The following PTPRG variants were observed in gnomAD, a reference collection of about 807,000 sequenced individuals.
PTPRG encodes the protein receptor-type tyrosine-protein phosphatase gamma.
In PTPRG, 102 loss-of-function variants were observed where a neutral mutation model predicts 165.3. That is an observed-to-expected ratio of 0.62 (90% CI 0.53 to 0.73). The LOEUF (loss-of-function observed/expected upper bound fraction) is 0.73, where lower values mean the gene tolerates loss of function less well. Among genes scored for constraint, PTPRG ranks in the 30% least tolerant of loss-of-function variants. The probability of loss-of-function intolerance (pLI) is 0.00; values close to 1 mark genes in which losing one functional copy is unlikely to be tolerated. For missense variants in PTPRG, 1,866 were observed against 1,861.4 expected (o/e 1.00, Z -0.05); for synonymous variants, 675 against 669.5 (o/e 1.01, Z -0.13).
intron 2 of PTPRG, among the ~76,000 whole-genome samples, chr3:61,913,901 G>C (rs1575779003): frequency 1.3e-5 from 2 of 152,218 alleles, no homozygotes; most frequent in Admixed American, 1.3e-4. Flanking sequence ...CTAAAGCTGT[G>C]TAAACTGAGA....
intron 2 of PTPRG, among the ~76,000 whole-genome samples, chr3:61,931,329 GTTAC>G (rs2039356194): frequency 6.6e-6 from 1 of 152,188 alleles, no homozygotes; most frequent in Non-Finnish European, 1.5e-5. Flanking sequence ...CTAACTCCAA[GTTAC>G]TTTGCTGCCG....
chr3:61,668,819 G>A (rs1194208777), intron 1 of PTPRG, among the ~76,000 whole-genome samples: 1 of 152,226 alleles, frequency 6.6e-6, no homozygotes, highest in Non-Finnish European at 1.5e-5. Flanking sequence ...TGGGCTGAAA[G>A]TATGTTACAC....
intron 7 of PTPRG, among the ~76,000 whole-genome samples, chr3:62,157,459 C>T (rs1704580548): frequency 6.6e-6 from 1 of 152,204 alleles, no homozygotes; most frequent in East Asian, 1.9e-4. Flanking sequence ...CTCATGAAAT[C>T]TGAGTATTGT....
At chr3:61,720,121 AT>A (rs796288666) in intron 1 of PTPRG, among the ~76,000 whole-genome samples, 275 of 144,150 alleles carry the variant, frequency 1.9e-3, no homozygotes, top group Middle Eastern at 0.015. Flanking sequence ...TGACAAGGGA[AT>A]TTTTTTTTTT....
chr3:61,947,399 T>C (rs144208916), intron 2 of PTPRG, among the ~76,000 whole-genome samples: 338 of 152,348 alleles, frequency 2.2e-3, no homozygotes, highest in African/African-American at 7.8e-3. Context: ...GCAGCAATGG[T>C]TCTGACCGGT....
At chr3:61,731,494 A>G (rs1042426799) in intron 1 of PTPRG, among the ~76,000 whole-genome samples, 8 of 151,572 alleles carry the variant, frequency 5.3e-5, no homozygotes, top group Admixed American at 2.0e-4. Context: ...GACTACAGGC[A>G]CGCACCACCA....
intron 1 of PTPRG, among the ~76,000 whole-genome samples, chr3:61,614,782 A>G (rs1559525071): frequency 1.3e-5 from 2 of 152,190 alleles, no homozygotes; most frequent in Non-Finnish European, 2.9e-5. Flanking sequence ...TATAGAAGGA[A>G]TTTTAGACCA....
chr3:61,999,481 A>C (rs2107714424), intron 3 of PTPRG, among the ~76,000 whole-genome samples: 1 of 152,262 alleles, frequency 6.6e-6, no homozygotes, highest in East Asian at 1.9e-4. Context: ...GTTTCCAGGG[A>C]CAAAAACATT....
intron 2 of PTPRG, among the ~76,000 whole-genome samples, chr3:61,783,795 A>G (rs984284779): frequency 6.6e-6 from 1 of 152,200 alleles, no homozygotes; most frequent in East Asian, 1.9e-4. Flanking sequence ...CACTGGAGAC[A>G]GATGAACTTG....
At chr3:62,216,078 C>T (rs1420885072) in intron 12 of PTPRG, among the ~76,000 whole-genome samples, 8 of 151,988 alleles carry the variant, frequency 5.3e-5, no homozygotes, top group Admixed American at 3.3e-4. Flanking sequence ...ATTGGCCAGG[C>T]GTGGTGGCAC....
intron 16 of PTPRG, among the ~76,000 whole-genome samples, chr3:62,259,493 C>G (rs1701630559): frequency 1.3e-5 from 2 of 152,168 alleles, no homozygotes; most frequent in Admixed American, 6.5e-5. Context: ...CCGCCTGTGG[C>G]CTGTGGGCCA....
At position 62,229,944 on chromosome 3, in the gene PTPRG, G is replaced by A. The variant is rs1371102711; in HGVS notation, c.2289-1281G>A. Among the ~76,000 whole-genome samples, 1 of 152,198 alleles carries A rather than the reference G, an allele frequency of 6.6e-6. No individual in the cohort carries two copies. The highest frequency in any genetic ancestry group is 1.5e-5 in the Non-Finnish European group (1 of 68,032). On this transcript the variant is annotated intron_variant, in intron 13 of 29. Coordinates refer to ENST00000474889, the MANE Select transcript of PTPRG (RefSeq NM_002841.4). This position sits in a 1 kb window ranked among gnomAD's most constrained non-coding sequence, Gnocchi z 4.6. ...GTTGAGAAAAAGTCTAAATATTTTA[G>A]GAAGCTGCAAATTTCAAGTTTTTAT...
intron 2 of PTPRG, among the ~76,000 whole-genome samples, chr3:61,973,344 G>T (rs1365913679): frequency 6.6e-6 from 1 of 152,192 alleles, no homozygotes; most frequent in African/African-American, 2.4e-5. Context: ...CTAAAGTATT[G>T]CAGCTAAGTT....
At chr3:61,985,033 C>T (rs2040724901) in intron 2 of PTPRG, among the ~76,000 whole-genome samples, 2 of 152,228 alleles carry the variant, frequency 1.3e-5, no homozygotes, top group Non-Finnish European at 1.5e-5. Flanking sequence ...GCCATGTGGT[C>T]TCACTGGGGA....
At chr3:61,765,328 A>G (rs2033985050) in intron 2 of PTPRG, among the ~76,000 whole-genome samples, 1 of 152,226 alleles carries the variant, frequency 6.6e-6, no homozygotes, top group African/African-American at 2.4e-5. Flanking sequence ...GTAATGTCAC[A>G]TGGAGGTGAT....
At chr3:61,996,956 A>T (rs571838772) in intron 3 of PTPRG, among the ~76,000 whole-genome samples, 1 of 152,242 alleles carries the variant, frequency 6.6e-6, no homozygotes, top group East Asian at 1.9e-4. Flanking sequence ...AGCCTCATTA[A>T]CCAATTACCC....
At chr3:62,031,235 A>G (rs558857946) in intron 4 of PTPRG, among the ~76,000 whole-genome samples, 1 of 152,374 alleles carries the variant, frequency 6.6e-6, no homozygotes, top group East Asian at 1.9e-4. Context: ...TGAAGGCTAC[A>G]TAGGAAGAAA....
intron 4 of PTPRG, among the ~76,000 whole-genome samples, chr3:62,038,571 T>A (rs1254590140): frequency 6.6e-6 from 1 of 152,158 alleles, no homozygotes; most frequent in Admixed American, 6.5e-5. Flanking sequence ...CTAATTTTTA[T>A]ATTTTTGTAG....
intron 5 of PTPRG, among the ~76,000 whole-genome samples, chr3:62,115,130 T>A (rs1706242649): frequency 6.6e-6 from 1 of 152,174 alleles, no homozygotes; most frequent in South Asian, 2.1e-4. Context: ...GTCACATGTT[T>A]CTCATCTCTT....
Sources: allele counts gnomAD v4.1 joint callset (sites outside exome capture counted in the v4.1 genomes callset), GRCh38; gene constraint gnomAD v4.1.1; non-coding constraint Gnocchi (gnomAD v3.1); transcripts MANE v1.5; gene names NCBI Gene and HGNC (gene_info 2026-07-23, HGNC 2026-07-21).